Variants in TRAF3IP2 observed in about 807,000 individuals in gnomAD.
TRAF3IP2 encodes TRAF3 interacting protein 2.
TRAF3IP2 carries 35 observed loss-of-function variants against 57.9 expected under a neutral mutation model. That is an observed-to-expected ratio of 0.60 (90% CI 0.46 to 0.80). The LOEUF is 0.80. TRAF3IP2 is among the 30% of genes least tolerant of loss of function. TRAF3IP2 has a pLI of 0.00. For synonymous variants in TRAF3IP2, 251 were observed against 268.9 expected, an observed-to-expected ratio of 0.93 and a Z score of 0.65; for missense variants, 556 against 706.4, an observed-to-expected ratio of 0.79 and a Z score of 2.41.
At position 111,580,078 on chromosome 6, in the gene TRAF3IP2, G is replaced by A; in HGVS notation, c.1022+119C>T. Reference sequence around the variant, plus strand: ...AAGTCTATATTGGGCATTCCACTATGTGACTTGCTCACTAACGTGGGTTAG... The same window carrying A: ...AAGTCTATATTGGGCATTCCACTATATGACTTGCTCACTAACGTGGGTTAG... On this transcript the variant is annotated intron_variant, in intron 3 of 8. Transcript: ENST00000368761. 5 of 1,180,010 alleles carry A rather than the reference G, an allele frequency of 4.2e-6. No homozygotes were observed. In the South Asian group the frequency reaches 7.5e-5, roughly 18 times the overall value. The allele number at this position is 1,180,010 out of a possible 1,614,324, so 73.1% of individuals were successfully genotyped here.
intron 1 of TRAF3IP2, among the ~76,000 whole-genome samples, chr6:111,603,553 T>C (rs1183158334): frequency 6.6e-6 from 1 of 152,208 alleles, no homozygotes; most frequent in Non-Finnish European, 1.5e-5. Context: ...ATTCCTGAGA[T>C]TTCCATTCTA....
intron 2 of TRAF3IP2, among the ~76,000 whole-genome samples, chr6:111,582,783 C>G (rs112276494): frequency 1.3e-5 from 2 of 152,182 alleles, no homozygotes; most frequent in Admixed American, 1.3e-4. Flanking sequence ...TACAATCCAC[C>G]CTGCTAGATC....
chr6:111,567,026 C>T, intron 6 of TRAF3IP2: 1 of 236,356 alleles, frequency 4.2e-6, no homozygotes, highest in Non-Finnish European at 7.3e-6. Flanking sequence ...CATCAGGCTG[C>T]AGACAAAAGG....
chr6:111,591,440 A>T lies in TRAF3IP2; in HGVS notation c.647T>A (p.Leu216Gln). 1 of 1,583,114 alleles carries T rather than the reference A, an allele frequency of 6.3e-7. No homozygotes were observed. Among genetic ancestry groups the T allele is most frequent in the Non-Finnish European group, 8.6e-7 (1 of 1,163,698 alleles). ...GGGGTAACACACGGAGGTGAGGGGCAGGGGCCTTTCCAGCTGCCTGATGCC... is the reference window on the plus strand; with the variant it reads ...GGGGTAACACACGGAGGTGAGGGGCTGGGGCCTTTCCAGCTGCCTGATGCC... ...VLGIRQLERP[L>Q]PLTSVCYPQD... Residue 216 changes from leucine (L) to glutamine (Q), a missense_variant, in exon 2 of 9, where the codon CTG becomes CAG. Around this residue, in one of 2 missense-constraint regions of TRAF3IP2, gnomAD observed 428 missense variants for 498.7 expected, o/e 0.86. Coordinates refer to ENST00000368761, the MANE Select transcript of TRAF3IP2 (RefSeq NM_147686.4). The surrounding 1 kb of genome is among the most constrained non-coding windows in gnomAD (Gnocchi z 4.9).
intron 1 of TRAF3IP2, among the ~76,000 whole-genome samples, chr6:111,592,684 A>AGGAAGT (rs1796559328): frequency 6.6e-6 from 1 of 152,176 alleles, no homozygotes; most frequent in Non-Finnish European, 1.5e-5. Flanking sequence ...GAGGAGTGGG[A>AGGAAGT]GGAAGTTTTC....
chr6:111,601,521 A>C (rs1253359961), intron 1 of TRAF3IP2: 1 of 268,100 alleles, frequency 3.7e-6, no homozygotes, highest in Non-Finnish European at 7.1e-6. Context: ...CCCCAGAAGA[A>C]GACAAATAGC....
chr6:111,601,247 A>T, intron 1 of TRAF3IP2: 1 of 759,060 alleles, frequency 1.3e-6, no homozygotes, highest in Admixed American at 1.7e-5. Context: ...GTACAGCATC[A>T]CCAGGCTGGA....
intron 6 of TRAF3IP2, chr6:111,567,106 A>G: frequency 1.1e-6 from 1 of 909,790 alleles, no homozygotes; most frequent in Non-Finnish European, 1.3e-6. Flanking sequence ...AGCAGCCGAC[A>G]CGGACACGCT....
At chr6:111,561,758 T>C (rs887181244) in intron 8 of TRAF3IP2, among the ~76,000 whole-genome samples, 1 of 152,068 alleles carries the variant, frequency 6.6e-6, no homozygotes, top group African/African-American at 2.4e-5. Context: ...CGGCACAAAA[T>C]TTGTAAGCTA....
In TRAF3IP2 at chr6:111,559,849, G is replaced by A. The variant is rs539924324; in HGVS notation, c.1552-298C>T. Among the ~76,000 whole-genome samples the A allele has an allele frequency of 9.8e-5, 15 of 152,334 alleles. No homozygotes were observed. In the South Asian group the frequency reaches 3.1e-3, roughly 32 times the overall value. On this transcript the variant is annotated intron_variant, in intron 8 of 8. Transcript: ENST00000368761. ...TTTTCACCACCCTCACATAAAAGGG[G>A]TAGGACAGAGGTCACACAGAGTGAT...
At chr6:111,574,156 TAAG>T (rs1795910229) in intron 4 of TRAF3IP2, among the ~76,000 whole-genome samples, 1 of 152,200 alleles carries the variant, frequency 6.6e-6, no homozygotes, top group Non-Finnish European at 1.5e-5. Context: ...ATTAAGATCT[TAAG>T]AAAGTGTTCA....
At chr6:111,573,726 C>A (rs1211715772) in intron 4 of TRAF3IP2, 1 of 152,216 alleles carries the variant, frequency 6.6e-6, no homozygotes, top group Non-Finnish European at 1.5e-5. Flanking sequence ...CCAGTGTTTT[C>A]TCAGGCTAAA....
intron 7 of TRAF3IP2, among the ~76,000 whole-genome samples, chr6:111,565,678 G>T (rs1795614307): frequency 6.6e-6 from 1 of 152,152 alleles, no homozygotes; most frequent in African/African-American, 2.4e-5. Flanking sequence ...AAAACAGCCA[G>T]TTCCAACGCT....
chr6:111,593,285 T>A (rs1562434588), intron 1 of TRAF3IP2, among the ~76,000 whole-genome samples: 2 of 152,246 alleles, frequency 1.3e-5, no homozygotes, highest in African/African-American at 4.8e-5. Flanking sequence ...TAAAAATTCC[T>A]ACTTTGGATC....
In TRAF3IP2 at chr6:111,592,050, C is replaced by T. The variant is rs1300869356; in HGVS notation, c.37G>A (p.Glu13Lys). Residue 13 changes from glutamate to lysine, a missense_variant, in exon 2 of 9, where the codon GAA becomes AAA. By Grantham distance (56) the Glu-to-Lys change is moderately conservative. Coordinates refer to ENST00000368761, the MANE Select transcript of TRAF3IP2 (RefSeq NM_147686.4). ...RSIPVEVDES[E>K]PYPSQLLKPI... The stretch of plus-strand genomic sequence containing the variant: ...TTCAGCAACTGACTTGGGTATGGTT[C>T]TGATTCATCAACCTCCACAGGAATG... The T allele has an allele frequency of 1.2e-6, 2 of 1,614,074 alleles. No homozygotes were observed. Among genetic ancestry groups the T allele is most frequent in the African/African-American group, 2.7e-5 (2 of 74,924 alleles).
At chr6:111,567,773 A>G in intron 5 of TRAF3IP2, 81 bp from the exon 6 acceptor site, 1 of 1,100,170 alleles carries the variant, frequency 9.1e-7, no homozygotes, top group Non-Finnish European at 1.3e-6. Context: ...ACAATACTAT[A>G]TACATTTAAA....
At chr6:111,564,801 A>G (rs543877180) in intron 7 of TRAF3IP2, among the ~76,000 whole-genome samples, 1 of 152,346 alleles carries the variant, frequency 6.6e-6, no homozygotes, top group South Asian at 2.1e-4. Flanking sequence ...CCACACACCC[A>G]CAGAGCTAGA....
At chr6:111,569,290 A>G (rs1052680868) in intron 5 of TRAF3IP2, among the ~76,000 whole-genome samples, 1 of 152,224 alleles carries the variant, frequency 6.6e-6, no homozygotes, top group African/African-American at 2.4e-5. Context: ...TGGCTTTGCC[A>G]CTTCCCACCT....
intron 1 of TRAF3IP2, among the ~76,000 whole-genome samples, chr6:111,604,751 G>A (rs1388892276): frequency 6.6e-6 from 1 of 152,168 alleles, no homozygotes; most frequent in African/African-American, 2.4e-5. Context: ...GATTCTGGGA[G>A]GTAGAAAAAT....
Sources: gnomAD v4.1 joint callset for allele counts (sites outside exome capture counted in the v4.1 genomes callset) on GRCh38, gnomAD v4.1.1 for gene constraint, gnomAD v4.1.1 regional missense constraint, Gnocchi (gnomAD v3.1) non-coding constraint, MANE v1.5 for transcripts, NCBI Gene and HGNC (gene_info 2026-07-23, HGNC 2026-07-21) for gene names.